Variants in CNTNAP2 observed in about 807,000 individuals in gnomAD.
CNTNAP2 encodes contactin associated protein 2, also known as contactin-associated protein-like 2.
A neutral mutation model predicts 155.2 loss-of-function variants in CNTNAP2; 98 were observed. The observed-to-expected ratio is 0.63, with a 90% CI of 0.54 to 0.75. The LOEUF is 0.75. Among genes scored for constraint, CNTNAP2 ranks in the 30% least tolerant of loss-of-function variants. The pLI, the probability that CNTNAP2 is intolerant of heterozygous loss-of-function variation, is 0.00. For synonymous variants in CNTNAP2, 651 were observed against 631.2 expected, an observed-to-expected ratio of 1.03 and a Z score of -0.47; for missense variants, 1,727 against 1,688.1, an observed-to-expected ratio of 1.02 and a Z score of -0.40.
intron 15 of CNTNAP2, among the ~76,000 whole-genome samples, chr7:148,047,046 C>A (rs922087698): frequency 6.6e-6 from 1 of 152,112 alleles, no homozygotes; most frequent in Non-Finnish European, 1.5e-5. Flanking sequence ...CTCCTTGGGC[C>A]CCCACCTCCC....
At chr7:146,353,918 T>A in intron 1 of CNTNAP2, among the ~76,000 whole-genome samples, 1 of 152,194 alleles carries the variant, frequency 6.6e-6, no homozygotes, top group East Asian at 1.9e-4. Flanking sequence ...ATGCATTAAT[T>A]ACAATAAAAG....
At chr7:146,993,805 G>A (rs1386763583) in intron 3 of CNTNAP2, among the ~76,000 whole-genome samples, 1 of 151,970 alleles carries the variant, frequency 6.6e-6, no homozygotes, top group Non-Finnish European at 1.5e-5. Context: ...TGACTATTTT[G>A]TCATGGCCAC....
At chr7:146,704,834 C>G (rs1800936276) in intron 1 of CNTNAP2, among the ~76,000 whole-genome samples, 1 of 152,152 alleles carries the variant, frequency 6.6e-6, no homozygotes, top group African/African-American at 2.4e-5. Flanking sequence ...CTTCTATTGA[C>G]TATATCTGCA....
At chr7:147,431,886 C>G (rs929054106) in intron 10 of CNTNAP2, among the ~76,000 whole-genome samples, 1 of 152,166 alleles carries the variant, frequency 6.6e-6, no homozygotes, top group Non-Finnish European at 1.5e-5. Flanking sequence ...AGCACTTTCT[C>G]TTTGTTCTTT....
At chr7:146,164,874 T>C (rs2116807628) in intron 1 of CNTNAP2, among the ~76,000 whole-genome samples, 1 of 152,318 alleles carries the variant, frequency 6.6e-6, no homozygotes, top group Admixed American at 6.5e-5. Context: ...ATTCCTAATC[T>C]TTCAGGTGGG....
chr7:147,611,484 A>G (rs1435604975), intron 12 of CNTNAP2, among the ~76,000 whole-genome samples: 1 of 152,210 alleles, frequency 6.6e-6, no homozygotes, highest in Non-Finnish European at 1.5e-5. Context: ...TGGAATAAAA[A>G]CATTAACGGA....
chr7:147,792,439 C>T (rs1385169838), intron 13 of CNTNAP2, among the ~76,000 whole-genome samples: 1 of 151,980 alleles, frequency 6.6e-6, no homozygotes, highest in African/African-American at 2.4e-5. Flanking sequence ...CAATATGTGG[C>T]ATTTTGTGTC....
intron 1 of CNTNAP2, among the ~76,000 whole-genome samples, chr7:146,123,956 G>T (rs1010882728): frequency 6.6e-6 from 1 of 152,138 alleles, no homozygotes; most frequent in Non-Finnish European, 1.5e-5. Context: ...CATGGACACG[G>T]ATGAAGCTGG....
At chr7:147,534,883 A>G (rs1442796794) in intron 11 of CNTNAP2, among the ~76,000 whole-genome samples, 1 of 151,988 alleles carries the variant, frequency 6.6e-6, no homozygotes, top group Non-Finnish European at 1.5e-5. Context: ...TATATACACT[A>G]TGGACAAGTA....
At chr7:147,359,179 T>C (rs1279262338) in intron 9 of CNTNAP2, among the ~76,000 whole-genome samples, 1 of 152,168 alleles carries the variant, frequency 6.6e-6, no homozygotes, top group Non-Finnish European at 1.5e-5. Flanking sequence ...TTCATAAACC[T>C]GTTCTGTTTC....
chr7:146,559,815 T>G (rs1273021701), intron 1 of CNTNAP2, among the ~76,000 whole-genome samples: 1 of 150,936 alleles, frequency 6.6e-6, no homozygotes, highest in African/African-American at 2.4e-5. Context: ...TAAATAAGTT[T>G]TATTTGATGA....
rs560380368 is a variant in CNTNAP2 at position 148,161,671 on chromosome 7, G to A, written c.2774-10571G>A. Among the ~76,000 whole-genome samples, 78 of 152,006 alleles carry A rather than the reference G, an allele frequency of 5.1e-4. No homozygotes were observed. In the South Asian group the frequency reaches 8.9e-3, roughly 17 times the overall value. On this transcript the variant is annotated intron_variant, in intron 17 of 23. Transcript: ENST00000361727. ...CACTAAATCTAGCCTCTCACTACCC[G>A]TTCCTCCACTAATAAGCATCTTATT...
chr7:146,906,871 T>G (rs1796142374), intron 3 of CNTNAP2, among the ~76,000 whole-genome samples: 1 of 148,026 alleles, frequency 6.8e-6, no homozygotes, highest in African/African-American at 2.5e-5. Context: ...GGGAGGACAT[T>G]CAAACCAAAG....
chr7:148,311,072 G>T (rs919726619), intron 21 of CNTNAP2, among the ~76,000 whole-genome samples: 3 of 152,168 alleles, frequency 2.0e-5, no homozygotes, highest in African/African-American at 7.2e-5. Context: ...ATAGTAGTTT[G>T]TGTTGTGAGA....
chr7:146,758,218 C>A (rs536487021), intron 1 of CNTNAP2, among the ~76,000 whole-genome samples: 2 of 152,258 alleles, frequency 1.3e-5, no homozygotes, highest in East Asian at 3.9e-4. Context: ...CTTTTTGTAG[C>A]CTCTGATTAG....
intron 1 of CNTNAP2, among the ~76,000 whole-genome samples, chr7:146,527,551 A>ACCCTCG (rs1797708982): frequency 6.6e-6 from 1 of 152,032 alleles, no homozygotes; most frequent in African/African-American, 2.4e-5. Flanking sequence ...ATAGACCAAA[A>ACCCTCG]ATAAGGTGAG....
chr7:146,623,805 T>C (rs1294377177), intron 1 of CNTNAP2, among the ~76,000 whole-genome samples: 1 of 152,146 alleles, frequency 6.6e-6, no homozygotes, highest in East Asian at 1.9e-4. Context: ...TATTTAACTT[T>C]TTAAGAAACT....
At chr7:146,589,235 T>C (rs901455412) in intron 1 of CNTNAP2, among the ~76,000 whole-genome samples, 2 of 151,986 alleles carry the variant, frequency 1.3e-5, no homozygotes, top group Admixed American at 6.6e-5. Flanking sequence ...AGGCTTACTA[T>C]AAAAAACAAG....
chr7:147,776,340 T>C (rs995797110), intron 13 of CNTNAP2, among the ~76,000 whole-genome samples: 6 of 146,928 alleles, frequency 4.1e-5, no homozygotes, highest in Non-Finnish European at 6.0e-5. Flanking sequence ...CTAAAATGAA[T>C]GTAAAAGGAA....
Sources: allele counts gnomAD v4.1 joint callset (sites outside exome capture counted in the v4.1 genomes callset), GRCh38; gene constraint gnomAD v4.1.1; transcripts MANE v1.5; gene names NCBI Gene and HGNC (gene_info 2026-07-23, HGNC 2026-07-21).